Variants in KCNH1 observed in about 807,000 individuals in gnomAD.
The protein encoded by KCNH1 is potassium voltage-gated channel subfamily H member 1, also known as voltage-gated delayed rectifier potassium channel KCNH1.
KCNH1 carries 27 observed loss-of-function variants against 69.2 expected under a neutral mutation model. The observed-to-expected ratio is 0.39, with a 90% CI of 0.29 to 0.54. KCNH1 has a LOEUF of 0.54. Among genes scored for constraint, KCNH1 ranks in the 20% least tolerant of loss-of-function variants. The probability of loss-of-function intolerance (pLI) is 0.68; values close to 1 mark genes in which losing one functional copy is unlikely to be tolerated. For missense variants in KCNH1, 798 were observed against 1,261.6 expected, an observed-to-expected ratio of 0.63 and a Z score of 5.57; for synonymous variants, 456 against 487.7, an observed-to-expected ratio of 0.93 and a Z score of 0.86.
intron 7 of KCNH1, among the ~76,000 whole-genome samples, chr1:210,876,725 C>A (rs1686382760): frequency 6.6e-6 from 1 of 152,042 alleles, no homozygotes; most frequent in Non-Finnish European, 1.5e-5. Flanking sequence ...AATCCCTGTT[C>A]CTTCAAGGAG....
chr1:211,066,703 G>A (rs1176706802), intron 5 of KCNH1, among the ~76,000 whole-genome samples: 2 of 152,152 alleles, frequency 1.3e-5, no homozygotes, highest in Non-Finnish European at 2.9e-5. Flanking sequence ...AGAAGAAAGA[G>A]GAGGAAATAG....
chr1:210,822,518 C>T (rs1684950156), intron 7 of KCNH1, among the ~76,000 whole-genome samples: 2 of 152,096 alleles, frequency 1.3e-5, no homozygotes, highest in African/African-American at 4.8e-5. Flanking sequence ...TAAATCCTGG[C>T]AGAGTAATGA....
intron 6 of KCNH1, among the ~76,000 whole-genome samples, chr1:211,006,548 G>A (rs962876408): frequency 1.2e-4 from 18 of 151,826 alleles, no homozygotes; most frequent in Non-Finnish European, 2.1e-4. Flanking sequence ...AGGAGCAAGG[G>A]AGAAGTGACT....
chr1:211,056,968 C>G (rs1690320764), intron 5 of KCNH1, among the ~76,000 whole-genome samples: 1 of 152,194 alleles, frequency 6.6e-6, no homozygotes, highest in Non-Finnish European at 1.5e-5. Flanking sequence ...TCCCCAGACA[C>G]TGATGAACAT....
intron 10 of KCNH1, among the ~76,000 whole-genome samples, chr1:210,717,575 T>G (rs951853124): frequency 6.6e-6 from 1 of 152,210 alleles, no homozygotes; most frequent in South Asian, 2.1e-4. Context: ...CCTTGCACAG[T>G]TCATCAGAAA....
intron 10 of KCNH1, among the ~76,000 whole-genome samples, chr1:210,691,653 T>G (rs1681529782): frequency 6.6e-6 from 1 of 152,144 alleles, no homozygotes; most frequent in Admixed American, 6.5e-5. Flanking sequence ...CTCTAAAGAA[T>G]TCAGGGGCAG....
rs79996232 is a variant in KCNH1, at chr1:211,014,743, T to C, written c.1032+4040A>G. On this transcript the variant is annotated intron_variant, in intron 6 of 10. Transcript: ENST00000271751. The stretch of plus-strand genomic sequence containing the variant: ...ATAATTTTGAGAACACCAAAGATGA[T>C]TCAGCTAGCTCCACATGTATTTTTT... Among the ~76,000 whole-genome samples, 1,167 of 152,298 alleles carry C rather than the reference T, an allele frequency of 7.7e-3. 40 individuals are homozygous for C. Among genetic ancestry groups the C allele is most frequent in the Admixed American group, 0.05 (771 of 15,300 alleles).
chr1:211,067,709 C>G (rs374588475), intron 5 of KCNH1, among the ~76,000 whole-genome samples: 2 of 152,156 alleles, frequency 1.3e-5, no homozygotes, highest in African/African-American at 4.8e-5. Context: ...CGGTCTAAAG[C>G]CAGAAAGCCT....
At chr1:210,844,624 A>G (rs1382234023) in intron 7 of KCNH1, among the ~76,000 whole-genome samples, 1 of 152,242 alleles carries the variant, frequency 6.6e-6, no homozygotes, top group African/African-American at 2.4e-5. Context: ...AGGAGAAAGC[A>G]GGAAAGATCT....
At chr1:211,107,774 T>C (rs1691384840) in intron 1 of KCNH1, among the ~76,000 whole-genome samples, 1 of 152,188 alleles carries the variant, frequency 6.6e-6, no homozygotes, top group African/African-American at 2.4e-5. Flanking sequence ...TCCAGCATCT[T>C]AGCCTTTTCA....
intron 1 of KCNH1, among the ~76,000 whole-genome samples, chr1:211,126,649 A>G (rs1387670442): frequency 1.3e-5 from 2 of 148,938 alleles, no homozygotes; most frequent in African/African-American, 2.5e-5. Flanking sequence ...CACCACTCCA[A>G]TCCAGCCTGG....
chr1:211,025,620 G>GTCCAGGT (rs1335874995), intron 5 of KCNH1, among the ~76,000 whole-genome samples: 1 of 152,038 alleles, frequency 6.6e-6, no homozygotes, highest in Admixed American at 6.6e-5. Flanking sequence ...AGGGTCCAGG[G>GTCCAGGT]TCTAAAACCC....
At chr1:210,867,318 T>A (rs937121149) in intron 7 of KCNH1, among the ~76,000 whole-genome samples, 44 of 145,782 alleles carry the variant, frequency 3.0e-4, no homozygotes, top group Non-Finnish European at 5.6e-4. Flanking sequence ...CATAGAATTA[T>A]ATGTATATGT....
In KCNH1 at chr1:210,708,336, C is replaced by T. The variant is rs559420579; in HGVS notation, c.2113-24198G>A. Among the ~76,000 whole-genome samples the T allele has an allele frequency of 3.3e-5, 5 of 152,174 alleles. No homozygotes were observed. In the South Asian group the frequency reaches 1.0e-3, roughly 32 times the overall value. On this transcript the variant is annotated intron_variant, in intron 10 of 10. Transcript: ENST00000271751. ...ACTTCCTTGATTCCATCAAGCCTTC[C>T]TTGATCCTCCCAGCCAGAAGTGTAC...
rs150164046 is a variant in KCNH1 at position 210,699,450 on chromosome 1, C to T, written c.2113-15312G>A. The stretch of plus-strand genomic sequence containing the variant: ...AATGGCCAAGAGAGCCCCACTCTGC[C>T]GAGGAGGAGCTTTGAGAAGCCGTCT... On this transcript the variant is annotated intron_variant, in intron 10 of 10. Coordinates refer to ENST00000271751, the MANE Select transcript of KCNH1 (RefSeq NM_172362.3). Among the ~76,000 whole-genome samples the T allele has an allele frequency of 3.1e-3, 479 of 152,300 alleles. 5 individuals carry two copies. The highest frequency in any genetic ancestry group is 0.011 in the African/African-American group (454 of 41,558).
chr1:210,992,476 G>A (rs1315951734), intron 6 of KCNH1, among the ~76,000 whole-genome samples: 5 of 152,174 alleles, frequency 3.3e-5, no homozygotes, highest in African/African-American at 1.2e-4. Context: ...AATCACTGCT[G>A]AATAAATACA....
chr1:211,037,415 G>A (rs1376407629), intron 5 of KCNH1, among the ~76,000 whole-genome samples: 1 of 151,510 alleles, frequency 6.6e-6, no homozygotes, highest in Non-Finnish European at 1.5e-5. Flanking sequence ...GACCCAGAAG[G>A]TAAACTATTT....
At position 210,761,168 on chromosome 1, in the gene KCNH1, C is replaced by T. The variant is rs900772329; in HGVS notation, c.2112+14180G>A. ...TTGGGAGGCTGAGGCAGGAGAATGG[C>T]GTGAACCCGGGAGGCGGAGCTTGCA... On this transcript the variant is annotated intron_variant, in intron 10 of 10. Transcript: ENST00000271751. 3.7e-5 allele frequency among the ~76,000 whole-genome samples: 5 copies of T among 133,854 alleles called. No individual in the cohort carries two copies. The East Asian group carries it at 9.5e-4, about 26-fold the overall frequency. The allele number at this position is 133,854 out of a possible 152,430, so 87.8% of individuals were successfully genotyped here.
At chr1:210,872,149 CAAAAAAAAA>C (rs60497732) in intron 7 of KCNH1, among the ~76,000 whole-genome samples, 1 of 77,704 alleles carries the variant, frequency 1.3e-5, no homozygotes, top group Non-Finnish European at 2.6e-5. Context: ...GGAAGAGCAC[CAAAAAAAAA>C]AAAAAAAAAA....
Sources: allele counts gnomAD v4.1 joint callset (sites outside exome capture counted in the v4.1 genomes callset), GRCh38; gene constraint gnomAD v4.1.1; transcripts MANE v1.5; gene names NCBI Gene and HGNC (gene_info 2026-07-23, HGNC 2026-07-21).